Variants in KCNIP4 observed in about 807,000 individuals in gnomAD.
KCNIP4 encodes Kv channel-interacting protein 4.
In KCNIP4, 12 loss-of-function variants were observed where a neutral mutation model predicts 34.0. That is an observed-to-expected ratio of 0.35 (90% confidence interval 0.23 to 0.57). The LOEUF (loss-of-function observed/expected upper bound fraction) is 0.57, where lower values mean the gene tolerates loss of function less well. KCNIP4 is among the 20% of genes least tolerant of loss of function. The pLI, the probability that KCNIP4 is intolerant of heterozygous loss-of-function variation, is 0.83. For missense variants in KCNIP4, 238 were observed against 311.7 expected (o/e 0.76, Z 1.78); for synonymous variants, 124 against 102.2 (o/e 1.21, Z -1.29).
chr4:20,919,794 G>A (rs1482154572), intron 1 of KCNIP4, among the ~76,000 whole-genome samples: 1 of 151,916 alleles, frequency 6.6e-6, no homozygotes, highest in Non-Finnish European at 1.5e-5. Context: ...TACATGGAAG[G>A]TGCTCAATAA....
intron 1 of KCNIP4, among the ~76,000 whole-genome samples, chr4:21,347,778 A>C (rs1717599982): frequency 6.6e-6 from 1 of 152,076 alleles, no homozygotes; most frequent in Admixed American, 6.6e-5. Context: ...CTCTCTTCTC[A>C]CCCATTTTCC....
chr4:21,251,785 T>G (rs967651863), intron 1 of KCNIP4, among the ~76,000 whole-genome samples: 4 of 148,636 alleles, frequency 2.7e-5, no homozygotes, highest in Non-Finnish European at 5.9e-5. Flanking sequence ...CACCGCATAT[T>G]CTCACTCATA....
intron 1 of KCNIP4, among the ~76,000 whole-genome samples, chr4:21,052,690 T>C (rs1743030922): frequency 6.6e-6 from 1 of 152,120 alleles, no homozygotes; most frequent in Admixed American, 6.5e-5. Context: ...GAGTGAAAGG[T>C]CTAACCTCTC....
At chr4:21,263,487 A>C (rs1761600963) in intron 1 of KCNIP4, among the ~76,000 whole-genome samples, 1 of 152,080 alleles carries the variant, frequency 6.6e-6, no homozygotes, top group Non-Finnish European at 1.5e-5. Context: ...TTAAAAGACT[A>C]AGCTTCTGGG....
intron 1 of KCNIP4, among the ~76,000 whole-genome samples, chr4:21,653,949 T>C (rs1214612097): frequency 6.6e-6 from 1 of 152,212 alleles, no homozygotes; most frequent in Non-Finnish European, 1.5e-5. Context: ...GAAGTCCTCA[T>C]TTAGGAAACT....
chr4:21,565,319 T>C (rs1739781763), intron 1 of KCNIP4, among the ~76,000 whole-genome samples: 1 of 152,160 alleles, frequency 6.6e-6, no homozygotes, highest in African/African-American at 2.4e-5. Flanking sequence ...TCCCTTCTTT[T>C]ACTTTCGAAA....
chr4:21,386,406 G>C (rs775173217), intron 1 of KCNIP4, among the ~76,000 whole-genome samples: 57 of 152,056 alleles, frequency 3.7e-4, no homozygotes, highest in Non-Finnish European at 4.9e-4. Context: ...CCAGATGCAA[G>C]TGGAGTTATG....
chr4:21,392,958 G>A (rs1296063709), intron 1 of KCNIP4, among the ~76,000 whole-genome samples: 1 of 152,076 alleles, frequency 6.6e-6, no homozygotes, highest in Non-Finnish European at 1.5e-5. Flanking sequence ...TGTAACTAAG[G>A]CAATAAATCA....
intron 1 of KCNIP4, among the ~76,000 whole-genome samples, chr4:21,431,192 A>G (rs983251577): frequency 1.3e-5 from 2 of 152,098 alleles, no homozygotes; most frequent in Admixed American, 1.3e-4. Context: ...AAAAGTAAGG[A>G]ATATAGAACT....
chr4:20,907,032 A>G (rs568512286), intron 1 of KCNIP4, among the ~76,000 whole-genome samples: 1 of 152,320 alleles, frequency 6.6e-6, no homozygotes, highest in East Asian at 1.9e-4. Flanking sequence ...GCCACACAGT[A>G]GACACACAAT....
chr4:21,383,569 C>T (rs1173148181), intron 1 of KCNIP4, among the ~76,000 whole-genome samples: 2 of 151,232 alleles, frequency 1.3e-5, no homozygotes, highest in Non-Finnish European at 1.5e-5. Context: ...ATGCAAAAAC[C>T]CATAAGACAG....
At chr4:21,361,263 C>T (rs1323679001) in intron 1 of KCNIP4, among the ~76,000 whole-genome samples, 4 of 151,920 alleles carry the variant, frequency 2.6e-5, no homozygotes, top group African/African-American at 4.8e-5. Flanking sequence ...TTCAGATTCT[C>T]CATCTATAAA....
At chr4:20,869,186 A>G (rs1723171315) in intron 2 of KCNIP4, among the ~76,000 whole-genome samples, 1 of 152,000 alleles carries the variant, frequency 6.6e-6, no homozygotes, top group Admixed American at 6.6e-5. Flanking sequence ...TTTGCAGCTA[A>G]TATCAGTGAT....
intron 1 of KCNIP4, among the ~76,000 whole-genome samples, chr4:21,559,407 T>C (rs12644013): frequency 0.44 from 66,080 of 151,894 alleles, 14,553 homozygotes; most frequent in East Asian, 0.66. Context: ...CTGTGGTAGG[T>C]ACTGGCAAAT....
intron 1 of KCNIP4, among the ~76,000 whole-genome samples, chr4:21,764,414 A>C (rs1239827869): frequency 2.6e-5 from 4 of 152,142 alleles, no homozygotes; most frequent in Admixed American, 2.0e-4. Flanking sequence ...TTCAACTTGG[A>C]GAGAAAGTGG....
intron 1 of KCNIP4, among the ~76,000 whole-genome samples, chr4:21,128,401 CAAAT>C (rs148035082): frequency 2.4e-4 from 36 of 152,250 alleles, no homozygotes; most frequent in Non-Finnish European, 4.0e-4. Flanking sequence ...CATAAGTGTT[CAAAT>C]AAATAAACCC....
chr4:21,477,192 G>GT, intron 1 of KCNIP4, among the ~76,000 whole-genome samples: 1 of 152,234 alleles, frequency 6.6e-6, no homozygotes, highest in Middle Eastern at 3.4e-3. Flanking sequence ...TTATTCTTCA[G>GT]TTTTTCTATT....
At chr4:21,282,767 G>GCTT (rs2109174397) in intron 1 of KCNIP4, among the ~76,000 whole-genome samples, 1 of 152,148 alleles carries the variant, frequency 6.6e-6, no homozygotes, top group South Asian at 2.1e-4. Flanking sequence ...GATACTCTTT[G>GCTT]CTTCTGCTCA....
chr4:21,774,192 T>C (rs1377918684), intron 1 of KCNIP4, among the ~76,000 whole-genome samples: 1 of 152,142 alleles, frequency 6.6e-6, no homozygotes, highest in East Asian at 1.9e-4. Context: ...CCTTCACTTA[T>C]AAAACTTAGT....
Sources: allele counts gnomAD v4.1 joint callset (sites outside exome capture counted in the v4.1 genomes callset), GRCh38; gene constraint gnomAD v4.1.1; transcripts MANE v1.5; gene names NCBI Gene and HGNC (gene_info 2026-07-23, HGNC 2026-07-21).